Variants in GRID1 observed in about 807,000 individuals in gnomAD.
GRID1 encodes glutamate receptor ionotropic, delta-1.
GRID1 carries 28 observed loss-of-function variants against 98.0 expected under a neutral mutation model. That is an observed-to-expected ratio of 0.29 (90% CI 0.21 to 0.39). The LOEUF is 0.39. GRID1 is among the 10% of genes least tolerant of loss of function. The pLI, the probability that GRID1 is intolerant of heterozygous loss-of-function variation, is 1.00. For missense variants in GRID1, 1,111 were observed against 1,340.5 expected (o/e 0.83, Z 2.67); for synonymous variants, 553 against 538.5 (o/e 1.03, Z -0.37).
At chr10:85,981,738 T>A (rs907959777) in intron 4 of GRID1, among the ~76,000 whole-genome samples, 1 of 152,206 alleles carries the variant, frequency 6.6e-6, no homozygotes, top group African/African-American at 2.4e-5. Context: ...AGGCACCTAC[T>A]ATGTGTCGGA....
At chr10:85,746,440 C>A (rs59059889) in intron 8 of GRID1, among the ~76,000 whole-genome samples, 2,869 of 152,238 alleles carry the variant, frequency 0.019, 80 homozygotes, top group African/African-American at 0.066. Context: ...ACATACAAAG[C>A]CTAACCTCAC....
At chr10:85,616,669 A>G (rs1422932192) in intron 14 of GRID1, among the ~76,000 whole-genome samples, 2 of 152,260 alleles carry the variant, frequency 1.3e-5, no homozygotes, top group Non-Finnish European at 2.9e-5. Context: ...TAAGTATGGA[A>G]GGGACAGAGG....
chr10:85,985,856 T>C (rs1842602788), intron 4 of GRID1, among the ~76,000 whole-genome samples: 1 of 152,292 alleles, frequency 6.6e-6, no homozygotes, highest in East Asian at 1.9e-4. Flanking sequence ...TTGGCTGTGT[T>C]GTTTCCCCAA....
chr10:86,101,522 G>C (rs1844295609), intron 4 of GRID1, among the ~76,000 whole-genome samples: 1 of 152,074 alleles, frequency 6.6e-6, no homozygotes, highest in Non-Finnish European at 1.5e-5. Flanking sequence ...TGAAATTATG[G>C]AGTATGAGGC....
At chr10:85,894,483 G>A (rs1258607295) in intron 5 of GRID1, among the ~76,000 whole-genome samples, 2 of 152,158 alleles carry the variant, frequency 1.3e-5, no homozygotes, top group African/African-American at 4.8e-5. Context: ...TTGAGATTAG[G>A]TAGAGGTAGA....
At chr10:85,938,917 A>G (rs1431395311) in intron 4 of GRID1, among the ~76,000 whole-genome samples, 2 of 152,266 alleles carry the variant, frequency 1.3e-5, no homozygotes, top group Non-Finnish European at 2.9e-5. Context: ...TCCCTTTTTA[A>G]AGTTAATTTC....
intron 12 of GRID1, among the ~76,000 whole-genome samples, chr10:85,715,321 T>G (rs1345261346): frequency 1.3e-5 from 2 of 152,174 alleles, no homozygotes; most frequent in Non-Finnish European, 2.9e-5. Flanking sequence ...GTCTGGGGCG[T>G]GATTTTTTGG....
rs188441517 is a variant in GRID1, at chr10:86,227,798, C to T, written c.236-21150G>A. 1.6e-4 allele frequency among the ~76,000 whole-genome samples: 25 copies of T among 152,264 alleles called. No homozygotes were observed. The Middle Eastern group carries it at 0.014, about 83-fold the overall frequency. On this transcript the variant is annotated intron_variant, in intron 2 of 15. Transcript: ENST00000327946. ...CCTCCATCATGGGTGCTCCATGCAC[C>T]GTTCCCACCACTAGACTGTGAGCCA...
At chr10:86,198,523 G>A (rs1845906747) in intron 3 of GRID1, among the ~76,000 whole-genome samples, 1 of 152,142 alleles carries the variant, frequency 6.6e-6, no homozygotes, top group Non-Finnish European at 1.5e-5. Flanking sequence ...CCACGCGCCA[G>A]GTACTGAGCT....
intron 12 of GRID1, among the ~76,000 whole-genome samples, chr10:85,652,886 T>C (rs1009056650): frequency 2.0e-5 from 3 of 152,234 alleles, no homozygotes; most frequent in Non-Finnish European, 4.4e-5. Flanking sequence ...CAGTGCTCTA[T>C]GTCTGGGGAT....
rs747682392 is a variant in GRID1 at position 85,830,288 on chromosome 10, C to G, written c.1233+24208G>C. On this transcript the variant is annotated intron_variant, in intron 8 of 15. Coordinates refer to ENST00000327946, the MANE Select transcript of GRID1 (RefSeq NM_017551.3). ...AGACTGAAACTGGACCCCTTCCTTA[C>G]ATCATATTTAAAAAATTAACTCAAG... Among the ~76,000 whole-genome samples, 13 of 152,172 alleles carry G rather than the reference C, an allele frequency of 8.5e-5. No individual in the cohort carries two copies. The East Asian group carries it at 2.5e-3, about 29-fold the overall frequency.
chr10:86,090,955 G>T (rs1216253201), intron 4 of GRID1, among the ~76,000 whole-genome samples: 1 of 152,190 alleles, frequency 6.6e-6, no homozygotes, highest in African/African-American at 2.4e-5. Flanking sequence ...GTGAAATACA[G>T]GGGTATAGGA....
At chr10:86,241,340 C>T (rs545395039) in intron 2 of GRID1, among the ~76,000 whole-genome samples, 3 of 152,344 alleles carry the variant, frequency 2.0e-5, no homozygotes, top group South Asian at 4.1e-4. Flanking sequence ...AGGCTCCACC[C>T]GCTGGCTGGC....
Position 86,217,308 on chromosome 10 carries a change from C to G in GRID1, c.236-10660G>C, listed in dbSNP as rs540711487. 2.0e-5 allele frequency among the ~76,000 whole-genome samples: 3 copies of G among 152,312 alleles called. No individual in the cohort carries two copies. The South Asian group carries it at 6.2e-4, about 32-fold the overall frequency. On this transcript the variant is annotated intron_variant, in intron 2 of 15. Coordinates refer to ENST00000327946, the MANE Select transcript of GRID1 (RefSeq NM_017551.3). ...AACCTCCCTGAGCCTCTATCCCTCA[C>G]CTGTAAATGGATAATAACAGTCCCA... is the stretch of plus-strand genomic sequence containing the variant.
At chr10:85,822,522 A>C (rs1375782418) in intron 8 of GRID1, among the ~76,000 whole-genome samples, 16 of 152,220 alleles carry the variant, frequency 1.1e-4, no homozygotes, top group Admixed American at 9.2e-4. Context: ...GGCAATCATT[A>C]AAAAGTCAGG....
chr10:86,174,224 C>A (rs1845539784), intron 3 of GRID1, among the ~76,000 whole-genome samples: 1 of 152,044 alleles, frequency 6.6e-6, no homozygotes, highest in African/African-American at 2.4e-5. Flanking sequence ...AGGCATCACG[C>A]TACCTGACTT....
rs545593570 is a variant in GRID1 at position 85,663,381 on chromosome 10, G to T, written c.1998-15984C>A. Among the ~76,000 whole-genome samples the T allele has an allele frequency of 2.0e-5, 3 of 152,356 alleles. No individual in the cohort carries two copies. The East Asian group carries it at 5.8e-4, about 29-fold the overall frequency. On this transcript the variant is annotated intron_variant, in intron 12 of 15. Coordinates refer to ENST00000327946, the MANE Select transcript of GRID1 (RefSeq NM_017551.3). ...AAGAACACCAAAATTGCCAGCCACT[G>T]TCAAACGCTGGGGGAGAGGTGAGAA...
At position 85,925,688 on chromosome 10, in the gene GRID1, A is replaced by G. The variant is rs75654939; in HGVS notation, c.727-9449T>C. Among the ~76,000 whole-genome samples, 215 of 152,342 alleles carry G rather than the reference A, an allele frequency of 1.4e-3. 1 individual carries two copies. The highest frequency in any genetic ancestry group is 2.1e-3 in the Non-Finnish European group (141 of 68,028). The stretch of plus-strand genomic sequence containing the variant: ...GGGACCACAGCACCAGATACTGCTG[A>G]AGGAGGGTGTGGAGCCATTTTGGAC... On this transcript the variant is annotated intron_variant, in intron 4 of 15. Coordinates refer to ENST00000327946, the MANE Select transcript of GRID1 (RefSeq NM_017551.3).
In GRID1 at chr10:85,602,230, G is replaced by T. The variant is rs1842585647; in HGVS notation, c.*43C>A. On this transcript the variant is annotated 3_prime_UTR_variant, in exon 16 of 16. Transcript: ENST00000327946. Reference sequence around the variant, plus strand: ...TTTTCTTGTATTAAAAAGCTCTGCTGGTCGGGTGGGTGGGAGGGTGGGCAG... The same window carrying T: ...TTTTCTTGTATTAAAAAGCTCTGCTTGTCGGGTGGGTGGGAGGGTGGGCAG... 6.2e-6 allele frequency: 8 copies of T among 1,286,040 alleles called. No homozygotes were observed. Among genetic ancestry groups the T allele is most frequent in the Non-Finnish European group, 8.4e-6 (8 of 951,094 alleles). The allele number at this position is 1,286,040 out of a possible 1,614,324, so 79.7% of individuals were successfully genotyped here.
Sources: allele counts gnomAD v4.1 joint callset (sites outside exome capture counted in the v4.1 genomes callset), GRCh38; gene constraint gnomAD v4.1.1; transcripts MANE v1.5; gene names NCBI Gene and HGNC (gene_info 2026-07-23, HGNC 2026-07-21).